PRCP: variants seen among roughly 807,000 people sequenced by gnomAD.
The protein encoded by PRCP is lysosomal Pro-X carboxypeptidase.
Under a neutral mutation model 54.2 loss-of-function variants are expected in PRCP, and 46 were observed. The ratio of observed to expected loss-of-function variants is 0.85; its 90% CI spans 0.67 to 1.09. PRCP has a LOEUF of 1.09. Ranked by LOEUF, PRCP falls within the 50% of genes least tolerant of loss-of-function variation. The probability of loss-of-function intolerance (pLI) is 0.00; values close to 1 mark genes in which losing one functional copy is unlikely to be tolerated. For missense variants in PRCP, 613 were observed against 596.8 expected (o/e 1.03, Z -0.28); for synonymous variants, 240 against 212.2 (o/e 1.13, Z -1.14).
At chr11:82,846,710 T>C (rs937504343) in intron 6 of PRCP, among the ~76,000 whole-genome samples, 1 of 152,192 alleles carries the variant, frequency 6.6e-6, no homozygotes, top group African/African-American at 2.4e-5. Flanking sequence ...GATGACAAAA[T>C]ATTTGAGGTA....
intron 3 of PRCP, 146 bp downstream of exon 3, chr11:82,853,031 G>A (rs564518492): frequency 8.2e-4 from 435 of 530,030 alleles, no homozygotes; most frequent in Non-Finnish European, 9.1e-4. Context: ...TGTTCAAATT[G>A]TATCTAAAAA....
At position 82,824,737 on chromosome 11, in the gene PRCP, A is replaced by G. The variant is rs538520541; in HGVS notation, c.*169T>C. 38 of 675,848 alleles carry G rather than the reference A, an allele frequency of 5.6e-5. No individual in the cohort carries two copies. The African/African-American group carries it at 6.5e-4, about 12-fold the overall frequency. 41.9% of individuals were successfully genotyped at this position (675,848 alleles called of 1,614,324 possible). ...AGACAGTGAGAACCCAGGAAATCAC[A>G]TTCATGGGACACTTGCTCTTACCGT... On this transcript the variant is annotated 3_prime_UTR_variant, in exon 9 of 9. Coordinates refer to ENST00000313010, the MANE Select transcript of PRCP (RefSeq NM_005040.4).
intron 1 of PRCP, among the ~76,000 whole-genome samples, chr11:82,868,722 G>C (rs1463349941): frequency 3.3e-5 from 5 of 152,088 alleles, no homozygotes; most frequent in Non-Finnish European, 7.4e-5. Context: ...GTTTATGAGG[G>C]GAAGACATGG....
intron 2 of PRCP, among the ~76,000 whole-genome samples, chr11:82,857,253 T>C (rs2121167809): frequency 6.6e-6 from 1 of 152,362 alleles, no homozygotes; most frequent in East Asian, 1.9e-4. Context: ...TGAGTGTTTA[T>C]AATGTGTCAG....
At chr11:82,854,788 A>G (rs189491843) in intron 2 of PRCP, among the ~76,000 whole-genome samples, 25 of 152,344 alleles carry the variant, frequency 1.6e-4, no homozygotes, top group Admixed American at 1.4e-3. Context: ...CAAGGCTACA[A>G]TAACCAAAAC....
rs373124299 is a variant in PRCP, at chr11:82,849,879, A to G, written c.751+35T>C. The G allele has an allele frequency of 8.0e-6, 11 of 1,367,078 alleles. No homozygotes were observed. The African/African-American group carries it at 1.5e-4, about 19-fold the overall frequency. The allele number at this position is 1,367,078 out of a possible 1,614,324, so 84.7% of individuals were successfully genotyped here. Reference sequence around the variant, plus strand: ...GAATTTAACAAATGAAAGGTTAAAAAAACACACAATTCCATTCTCTTAATT... The same window carrying G: ...GAATTTAACAAATGAAAGGTTAAAAGAACACACAATTCCATTCTCTTAATT... On this transcript the variant is annotated intron_variant, in intron 5 of 8. Transcript: ENST00000313010.
At chr11:82,883,045 A>G (rs941012426) in intron 1 of PRCP, among the ~76,000 whole-genome samples, 3 of 152,180 alleles carry the variant, frequency 2.0e-5, no homozygotes, top group African/African-American at 7.2e-5. Context: ...TGGTAGAAGA[A>G]TAACTTCAGC....
At position 82,824,942 on chromosome 11, in the gene PRCP, G is replaced by T; in HGVS notation, c.1455C>A (p.Ile485=). 1 of 1,614,110 alleles carries T rather than the reference G, an allele frequency of 6.2e-7. No homozygotes were observed. Among genetic ancestry groups the T allele is most frequent in the South Asian group, 1.1e-5 (1 of 91,066 alleles). ...TTCCCGCACTGTCATAGAAATCTCT[G>T]ATCCAATTCTTCATATGTCTAACTT... The part of the protein sequence containing the change: ...SLEVRHMKNW[I]RDFYDSAGKQ... Residue 485 remains isoleucine (I), a synonymous_variant, in exon 9 of 9, where the codon ATC becomes ATA. Coordinates refer to ENST00000313010, the MANE Select transcript of PRCP (RefSeq NM_005040.4).
intron 5 of PRCP, 71 bp from the exon 6 acceptor site, chr11:82,849,289 C>G: frequency 6.7e-7 from 1 of 1,502,990 alleles, no homozygotes; most frequent in Non-Finnish European, 9.1e-7. Context: ...ATCATTTATT[C>G]TTCACATAGT....
At chr11:82,881,393 A>G (rs1289607146) in intron 1 of PRCP, among the ~76,000 whole-genome samples, 1 of 152,208 alleles carries the variant, frequency 6.6e-6, no homozygotes, top group Non-Finnish European at 1.5e-5. Context: ...GCAGCCTCAC[A>G]AAGTAGAGCA....
intron 1 of PRCP, among the ~76,000 whole-genome samples, chr11:82,868,595 T>G (rs1197235773): frequency 3.1e-5 from 1 of 32,474 alleles, no homozygotes; most frequent in Admixed American, 3.4e-4. Context: ...CAGAGAAGAA[T>G]TTTTTTTTTT....
intron 8 of PRCP, chr11:82,827,861 T>C (rs895716391): frequency 1.3e-5 from 2 of 152,232 alleles, no homozygotes; most frequent in African/African-American, 4.8e-5. Flanking sequence ...TTGAGGAGTA[T>C]AGTCATCTTA....
chr11:82,846,760 G>A (rs1160863933), intron 6 of PRCP, among the ~76,000 whole-genome samples: 1 of 152,144 alleles, frequency 6.6e-6, no homozygotes, highest in Non-Finnish European at 1.5e-5. Context: ...AAGAACAAAG[G>A]ATAAAATATT....
intron 1 of PRCP, among the ~76,000 whole-genome samples, chr11:82,899,644 C>A (rs928278638): frequency 6.6e-6 from 1 of 151,868 alleles, no homozygotes; most frequent in Non-Finnish European, 1.5e-5. Context: ...CTAATCCCCA[C>A]CCCCACCACA....
At position 82,853,283 on chromosome 11, in the gene PRCP, G is replaced by A. The variant is rs749941672; in HGVS notation, c.310-5C>T. On this transcript the variant is annotated splice_polypyrimidine_tract_variant and splice_region_variant and intron_variant, in intron 2 of 8. Coordinates refer to ENST00000313010, the MANE Select transcript of PRCP (RefSeq NM_005040.4). ...AGCCACATCCCACATGAACCCCTAA[G>A]AAGAGTTTACAAAATCACAGGATAA... is the stretch of plus-strand genomic sequence containing the variant. The A allele has an allele frequency of 2.4e-4, 385 of 1,595,202 alleles. No individual in the cohort carries two copies. The highest frequency in any genetic ancestry group is 3.1e-4 in the Non-Finnish European group (367 of 1,171,742).
At chr11:82,827,916 T>A (rs1858280332) in intron 8 of PRCP, 1 of 152,218 alleles carries the variant, frequency 6.6e-6, no homozygotes, top group Non-Finnish European at 1.5e-5. Context: ...TGTCTTTCCA[T>A]TTAAAGGAAG....
intron 1 of PRCP, among the ~76,000 whole-genome samples, chr11:82,890,828 G>A (rs1027517682): frequency 1.1e-4 from 16 of 152,156 alleles, no homozygotes; most frequent in East Asian, 3.9e-4. Context: ...ACCTTCTTAC[G>A]GAAATGCTTT....
chr11:82,899,415 A>G (rs193087768), intron 1 of PRCP, among the ~76,000 whole-genome samples: 1 of 152,324 alleles, frequency 6.6e-6, no homozygotes, highest in East Asian at 1.9e-4. Context: ...CCTAAAGCCA[A>G]GCTTCAGACC....
At chr11:82,865,989 C>T (rs1346924610) in intron 1 of PRCP, among the ~76,000 whole-genome samples, 1 of 152,156 alleles carries the variant, frequency 6.6e-6, no homozygotes, top group Non-Finnish European at 1.5e-5. Context: ...ACTAAGTTGT[C>T]CCTCACACAT....
Sources: allele counts gnomAD v4.1 joint callset (sites outside exome capture counted in the v4.1 genomes callset), GRCh38; gene constraint gnomAD v4.1.1; transcripts MANE v1.5; gene names NCBI Gene and HGNC (gene_info 2026-07-23, HGNC 2026-07-21).